Variants in NRSN1 observed in about 807,000 individuals in gnomAD.
NRSN1 encodes neurensin 1, also known as neurensin-1.
A neutral mutation model predicts 17.3 loss-of-function variants in NRSN1; 14 were observed. That is an observed-to-expected ratio of 0.81 (90% CI 0.54 to 1.27). The LOEUF is 1.27. NRSN1 is among the 50% of genes most tolerant of loss of function. The pLI is 0.00. For missense variants in NRSN1, 209 were observed against 235.9 expected, an observed-to-expected ratio of 0.89 and a Z score of 0.75; for synonymous variants, 79 against 94.2, an observed-to-expected ratio of 0.84 and a Z score of 0.93.
rs1760084918 is a variant in NRSN1 at position 24,134,365 on chromosome 6, C to A, written c.38C>A (p.Ala13Glu). 1 of 1,613,970 alleles carries A rather than the reference C, an allele frequency of 6.2e-7. No individual in the cohort carries two copies. The highest frequency in any genetic ancestry group is 1.3e-5 in the African/African-American group (1 of 74,892). Residue 13 changes from alanine to glutamate, a missense_variant, in exon 3 of 4, where the codon GCA becomes GAA. Ala to Glu is a moderately radical substitution (Grantham distance 107). Transcript: ENST00000378491. Reference protein sequence around the residue: ...SCSNVCGSRQAQAAAEGGYQR... With the variant: ...SCSNVCGSRQEQAAAEGGYQR... ...AGCAACGTCTGTGGGTCCAGGCAGG[C>A]ACAGGCTGCAGCTGAGGGTGGTTAC...
At chr6:24,142,213 T>TTTTTTTA (rs957826257) in intron 3 of NRSN1, among the ~76,000 whole-genome samples, 1 of 132,540 alleles carries the variant, frequency 7.5e-6, no homozygotes, top group Admixed American at 8.2e-5. Context: ...TTTTTTTTTT[T>TTTTTTTA]TCAGAAGACA....
rs1326167059 is a variant in NRSN1 at position 24,145,860 on chromosome 6, G to C, written c.502G>C (p.Val168Leu). Residue 168 changes from valine (V) to leucine (L), a missense_variant, in exon 4 of 4, where the codon GTT becomes CTT. Transcript: ENST00000378491. This position sits in a 1 kb window ranked among gnomAD's most constrained non-coding sequence, Gnocchi z 4.4. ...IADIKAHTQPVTKAPGPGETK... is the reference protein window; with the variant it reads ...IADIKAHTQPLTKAPGPGETK... ...AGACATCAAAGCCCACACCCAGCCGGTTACAAAAGCTCCAGGGCCAGGGGA... is the reference window on the plus strand; with the variant it reads ...AGACATCAAAGCCCACACCCAGCCGCTTACAAAAGCTCCAGGGCCAGGGGA... 2 of 1,614,072 alleles carry C rather than the reference G, an allele frequency of 1.2e-6. No homozygotes were observed. The highest frequency in any genetic ancestry group is 1.7e-6 in the Non-Finnish European group (2 of 1,180,038).
chr6:24,141,287 G>GGA (rs759175251), intron 3 of NRSN1: 14 of 1,230,436 alleles, frequency 1.1e-5, no homozygotes, highest in Non-Finnish European at 1.4e-5. Flanking sequence ...TTATGATACT[G>GGA]TATGGAATTG....
At chr6:24,141,343 C>A in intron 3 of NRSN1, 1 of 981,236 alleles carries the variant, frequency 1.0e-6, no homozygotes, top group Non-Finnish European at 1.3e-6. Flanking sequence ...GGTACCAAGA[C>A]TAAGCTGATG....
rs893792563 is a variant in NRSN1 at position 24,146,810 on chromosome 6, T to C, written c.*864T>C. On this transcript the variant is annotated 3_prime_UTR_variant, in exon 4 of 4. Coordinates refer to ENST00000378491, the MANE Select transcript of NRSN1 (RefSeq NM_080723.5). Reference sequence around the variant, plus strand: ...CATCTATTTATGCAGTGTTCAAAAGTACTGAATTAGAAACCAGGAAGTTTT... The same window carrying C: ...CATCTATTTATGCAGTGTTCAAAAGCACTGAATTAGAAACCAGGAAGTTTT... 1 of 152,564 alleles carries C rather than the reference T, an allele frequency of 6.6e-6. No individual in the cohort carries two copies. The highest frequency in any genetic ancestry group is 2.4e-5 in the African/African-American group (1 of 41,456). The allele number at this position is 152,564 out of a possible 1,614,324, so 9.5% of individuals were successfully genotyped here.
At chr6:24,132,438 C>T (rs1472625973) in intron 2 of NRSN1, among the ~76,000 whole-genome samples, 1 of 152,186 alleles carries the variant, frequency 6.6e-6, no homozygotes, top group Non-Finnish European at 1.5e-5. Context: ...GCCTGGATTA[C>T]AGCACAAGCT....
At chr6:24,142,214 T>TTTTTTTTTTTA (rs71002462) in intron 3 of NRSN1, among the ~76,000 whole-genome samples, 1 of 132,576 alleles carries the variant, frequency 7.5e-6, no homozygotes. Context: ...TTTTTTTTTT[T>TTTTTTTTTTTA]CAGAAGACAT....
chr6:24,145,923 G>A lies in NRSN1; in HGVS notation c.565G>A (p.Val189Ile). Residue 189 changes from valine (V) to isoleucine (I), a missense_variant, in exon 4 of 4, where the codon GTC becomes ATC. Coordinates refer to ENST00000378491, the MANE Select transcript of NRSN1 (RefSeq NM_080723.5). This position sits in a 1 kb window ranked among gnomAD's most constrained non-coding sequence, Gnocchi z 4.4. ...AGTCACTTTGTCCAGGGTTCAAAAT[G>A]TCCAGCCTCTACTGGCAACCTGAAA... ...IPVTLSRVQN[V>I]QPLLAT The A allele has an allele frequency of 6.2e-7, 1 of 1,610,644 alleles. No individual in the cohort carries two copies. The highest frequency in any genetic ancestry group is 8.5e-7 in the Non-Finnish European group (1 of 1,178,796).
At chr6:24,126,488 A>T (rs979428363) in intron 1 of NRSN1, 148 bp downstream of exon 1, 5 of 151,384 alleles carry the variant, frequency 3.3e-5, no homozygotes, top group African/African-American at 1.2e-4. Flanking sequence ...TCCTTCATTC[A>T]CGTTTATTAT....
chr6:24,143,994 C>T (rs1441003504), intron 3 of NRSN1, among the ~76,000 whole-genome samples: 1 of 152,180 alleles, frequency 6.6e-6, no homozygotes, highest in East Asian at 1.9e-4. Flanking sequence ...CCATTTATTT[C>T]AAACCTATGG....
intron 3 of NRSN1, among the ~76,000 whole-genome samples, chr6:24,141,905 TAAG>T (rs763013407): frequency 2.6e-5 from 4 of 152,182 alleles, no homozygotes; most frequent in Non-Finnish European, 5.9e-5. Context: ...TCTCAGAAAC[TAAG>T]ATAACTTTCG....
chr6:24,145,564 G>A lies in NRSN1; in HGVS notation c.206G>A (p.Gly69Asp), dbSNP rs1299645628. ...SVFWKVGLIS[G>D]TVFVILGLTV... is the part of the protein sequence containing the mutation. ...TACCTGTAGGTTGGACTCATCTCAG[G>A]TACAGTTTTTGTGATCCTCGGATTG... Residue 69 changes from glycine to aspartate, a missense_variant, in exon 4 of 4, where the codon GGT becomes GAT. Coordinates refer to ENST00000378491, the MANE Select transcript of NRSN1 (RefSeq NM_080723.5). The surrounding 1 kb of genome is among the most constrained non-coding windows in gnomAD (Gnocchi z 4.4). The A allele has an allele frequency of 1.3e-6, 2 of 1,594,678 alleles. No homozygotes were observed.
intron 2 of NRSN1, chr6:24,128,637 CT>C: frequency 6.6e-6 from 1 of 152,302 alleles, no homozygotes; most frequent in African/African-American, 2.4e-5. Context: ...CTGACTGAAT[CT>C]TTTAAGGAAC....
intron 3 of NRSN1, among the ~76,000 whole-genome samples, chr6:24,142,458 T>TC (rs1760225747): frequency 6.6e-6 from 1 of 152,208 alleles, no homozygotes; most frequent in East Asian, 1.9e-4. Flanking sequence ...ATGCTTTTTT[T>TC]CTCTCTCTTT....
rs753743189 is a variant in NRSN1, at chr6:24,134,400, G to A, written c.73G>A (p.Gly25Arg). The A allele has an allele frequency of 6.2e-7, 1 of 1,614,170 alleles. No homozygotes were observed. Among genetic ancestry groups the A allele is most frequent in the Non-Finnish European group, 8.5e-7 (1 of 1,180,024 alleles). ...AGCTGAGGGTGGTTACCAGCGCTAT[G>A]GAGTCCGGTCCTACCTGCACCAGTT... ...AAAEGGYQRYGVRSYLHQFYE... is the reference protein window; with the variant it reads ...AAAEGGYQRYRVRSYLHQFYE... Residue 25 changes from glycine to arginine, a missense_variant, in exon 3 of 4, where the codon GGA (glycine) becomes AGA (arginine). Physicochemically the swap from Gly to Arg is moderately radical, Grantham distance 125. Transcript: ENST00000378491.
At chr6:24,130,923 G>T (rs1342557748) in intron 2 of NRSN1, among the ~76,000 whole-genome samples, 1 of 152,130 alleles carries the variant, frequency 6.6e-6, no homozygotes, top group Non-Finnish European at 1.5e-5. Context: ...TGAAACCATA[G>T]CCCAGAGAGA....
chr6:24,142,191 C>CTCTTTTT (rs1760219062), intron 3 of NRSN1, among the ~76,000 whole-genome samples: 1 of 44,446 alleles, frequency 2.2e-5, no homozygotes, highest in Admixed American at 4.5e-4. Flanking sequence ...TACAGAACAG[C>CTCTTTTT]TTTTTTTTTT....
At chr6:24,126,705 A>G (rs553234038) in intron 1 of NRSN1, among the ~76,000 whole-genome samples, 1 of 151,484 alleles carries the variant, frequency 6.6e-6, no homozygotes, top group South Asian at 2.1e-4. Context: ...AGTCAAATAT[A>G]TGTATCTAGA....
At chr6:24,139,350 T>C (rs1218213022) in intron 3 of NRSN1, among the ~76,000 whole-genome samples, 2 of 152,180 alleles carry the variant, frequency 1.3e-5, no homozygotes, top group East Asian at 3.9e-4. Flanking sequence ...CAGGACACTG[T>C]TGCAATGATC....
Sources: allele counts gnomAD v4.1 joint callset (sites outside exome capture counted in the v4.1 genomes callset), GRCh38; gene constraint gnomAD v4.1.1; non-coding constraint Gnocchi (gnomAD v3.1); transcripts MANE v1.5; gene names NCBI Gene and HGNC (gene_info 2026-07-23, HGNC 2026-07-21).